Variants in RASGRF2 observed in about 807,000 individuals in gnomAD.
RASGRF2 encodes ras-specific guanine nucleotide-releasing factor 2.
In RASGRF2, 76 loss-of-function variants were observed where a neutral mutation model predicts 151.0. The observed-to-expected ratio is 0.50, with a 90% CI of 0.42 to 0.61. The LOEUF is 0.61. Ranked by LOEUF, RASGRF2 falls within the 20% of genes least tolerant of loss-of-function variation. RASGRF2 has a pLI of 0.00. For missense variants in RASGRF2, 1,148 were observed against 1,564.6 expected (o/e 0.73, Z 4.49); for synonymous variants, 504 against 566.5 (o/e 0.89, Z 1.57).
rs149143429 is a variant in RASGRF2, at chr5:80,973,440, G to A, written c.288+12414G>A. On this transcript the variant is annotated intron_variant, in intron 1 of 26. Transcript: ENST00000265080. The stretch of plus-strand genomic sequence containing the variant: ...GTATTCTGGGTATCTCATTCCAGTA[G>A]CACTAACTTCATGTTTTCCCAATAA... Among the ~76,000 whole-genome samples the A allele has an allele frequency of 1.1e-4, 17 of 152,282 alleles. 1 individual carries two copies. In the East Asian group the frequency reaches 3.3e-3, roughly 29 times the overall value.
intron 3 of RASGRF2, among the ~76,000 whole-genome samples, chr5:81,068,879 C>A (rs1751692136): frequency 6.6e-6 from 1 of 152,166 alleles, no homozygotes; most frequent in South Asian, 2.1e-4. Flanking sequence ...ATGTACCTTT[C>A]CCGCTGTCCT....
In RASGRF2 at chr5:81,026,820, C is replaced by G. The variant is rs1277300412; in HGVS notation, c.289-16057C>G. Among the ~76,000 whole-genome samples, 12 of 152,162 alleles carry G rather than the reference C, an allele frequency of 7.9e-5. No individual in the cohort carries two copies. In the South Asian group the frequency reaches 2.3e-3, roughly 29 times the overall value. On this transcript the variant is annotated intron_variant, in intron 1 of 26. Coordinates refer to ENST00000265080, the MANE Select transcript of RASGRF2 (RefSeq NM_006909.3). The stretch of plus-strand genomic sequence containing the variant: ...ATTAACTTTTTTATACTTTGAAGTC[C>G]TAATACAATGTTTTATCAGTAGTTG...
chr5:80,999,153 A>C (rs547835236), intron 1 of RASGRF2, among the ~76,000 whole-genome samples: 1 of 152,052 alleles, frequency 6.6e-6, no homozygotes, highest in Non-Finnish European at 1.5e-5. Context: ...GAAGCAAGGT[A>C]TATTCAGAGA....
intron 4 of RASGRF2, among the ~76,000 whole-genome samples, chr5:81,070,790 A>G (rs1751751040): frequency 6.6e-6 from 1 of 152,152 alleles, no homozygotes; most frequent in African/African-American, 2.4e-5. Flanking sequence ...GAAGGATGCC[A>G]AAACCAGGCA....
chr5:81,154,336 G>C (rs2112625940), intron 17 of RASGRF2, among the ~76,000 whole-genome samples: 1 of 152,212 alleles, frequency 6.6e-6, no homozygotes, highest in Non-Finnish European at 1.5e-5. Flanking sequence ...CTGTAATCTT[G>C]AACTCCTGGG....
At chr5:81,093,187 C>G (rs1366850449) in intron 10 of RASGRF2, among the ~76,000 whole-genome samples, 1 of 152,116 alleles carries the variant, frequency 6.6e-6, no homozygotes, top group South Asian at 2.1e-4. Context: ...TAAAGAAATA[C>G]AATTAAAATC....
chr5:81,067,861 A>G (rs1356979693), intron 2 of RASGRF2, among the ~76,000 whole-genome samples, 171 bp from the exon 3 acceptor site: 1 of 152,250 alleles, frequency 6.6e-6, no homozygotes. Context: ...TAAATTCTTC[A>G]TCGTCGAAGG....
Position 81,123,677 on chromosome 5 carries a change from G to C in RASGRF2, c.2506G>C (p.Val836Leu). The C allele has an allele frequency of 1.2e-6, 2 of 1,614,048 alleles. No individual in the cohort carries two copies. Among genetic ancestry groups the C allele is most frequent in the Non-Finnish European group, 8.5e-7 (1 of 1,179,976 alleles). The change falls in exon 16 of 27, where the codon GTG becomes CTG. Residue 836 changes from valine to leucine, a missense_variant. Coordinates refer to ENST00000265080, the MANE Select transcript of RASGRF2 (RefSeq NM_006909.3). ...LESAPADRAG[V>L]ESSPAADTTE... ...GTCTGCACCAGCGGACCGAGCAGGA[G>C]TGGAAAGCTCCCCTGCAGCGGACAC...
At chr5:81,114,549 C>G (rs542679759) in intron 15 of RASGRF2, among the ~76,000 whole-genome samples, 2 of 152,228 alleles carry the variant, frequency 1.3e-5, no homozygotes, top group African/African-American at 4.8e-5. Context: ...CTTCAATTCT[C>G]TACTGACTTC....
At chr5:80,981,577 T>G (rs912011048) in intron 1 of RASGRF2, among the ~76,000 whole-genome samples, 6 of 151,950 alleles carry the variant, frequency 3.9e-5, no homozygotes, top group African/African-American at 1.5e-4. Context: ...TAGAGAGTGC[T>G]TTTTTTGAGA....
At chr5:81,057,224 A>C (rs919036644) in intron 2 of RASGRF2, among the ~76,000 whole-genome samples, 123 of 152,252 alleles carry the variant, frequency 8.1e-4, no homozygotes, top group African/African-American at 2.7e-3. Context: ...TCTTCCTAGC[A>C]TTGATGGTCT....
chr5:80,972,970 A>G (rs1747988281), intron 1 of RASGRF2, among the ~76,000 whole-genome samples: 1 of 152,146 alleles, frequency 6.6e-6, no homozygotes, highest in African/African-American at 2.4e-5. Flanking sequence ...AGTTATATGT[A>G]TTGCAAGTAT....
chr5:81,136,695 C>G (rs775043201), intron 17 of RASGRF2, among the ~76,000 whole-genome samples: 1 of 152,078 alleles, frequency 6.6e-6, no homozygotes, highest in Non-Finnish European at 1.5e-5. Flanking sequence ...ATTATTAATG[C>G]AAATATTTCT....
In RASGRF2 at chr5:80,996,512, TCCTCCTCCCCCTCCTCCTCCTCCC is replaced by T. The variant is rs1561544803; in HGVS notation, c.288+35495_288+35518del. Among the ~76,000 whole-genome samples, 33 of 64,882 alleles carry T rather than the reference TCCTCCTCCCCCTCCTCCTCCTCCC, an allele frequency of 5.1e-4. 2 individuals are homozygous for T. Among genetic ancestry groups the T allele is most frequent in the Non-Finnish European group, 7.6e-4 (25 of 33,004 alleles). The allele number at this position is 64,882 out of a possible 152,430, so 42.6% of individuals were successfully genotyped here. A position where few individuals can be genotyped will look rare whatever the true frequency, so the allele number is the denominator to read the frequency against. On this transcript the variant is annotated intron_variant, in intron 1 of 26. Transcript: ENST00000265080. ...TTCTTCTTCTTCTTCTTCCTCCTCC[TCCTCCTCCCCCTCCTCCTCCTCCC>T]CCTCCTCCTCCTCCCCCTCCTCCTC... is the stretch of plus-strand genomic sequence containing the variant.
chr5:81,178,883 C>T (rs957064666), intron 17 of RASGRF2, among the ~76,000 whole-genome samples: 5 of 152,108 alleles, frequency 3.3e-5, no homozygotes, highest in Non-Finnish European at 5.9e-5. Flanking sequence ...GGACTACAGG[C>T]GCCCGCCACC....
chr5:81,083,096 T>G (rs1752130813), intron 7 of RASGRF2, among the ~76,000 whole-genome samples: 1 of 152,200 alleles, frequency 6.6e-6, no homozygotes, highest in Admixed American at 6.5e-5. Flanking sequence ...CACTCTCTCC[T>G]TCTTGTTCCC....
chr5:81,090,219 G>GT (rs1253303863), intron 9 of RASGRF2, among the ~76,000 whole-genome samples: 1 of 152,156 alleles, frequency 6.6e-6, no homozygotes, highest in African/African-American at 2.4e-5. Flanking sequence ...GCTGGAAATG[G>GT]TTCTTCATTC....
intron 13 of RASGRF2, among the ~76,000 whole-genome samples, chr5:81,110,680 A>C (rs1225384666): frequency 3.9e-5 from 6 of 152,236 alleles, no homozygotes; most frequent in Non-Finnish European, 1.5e-5. Context: ...ACTTTCTTAG[A>C]AATTAGAGAT....
At chr5:81,188,823 G>A (rs866696440) in intron 18 of RASGRF2, among the ~76,000 whole-genome samples, 2 of 152,130 alleles carry the variant, frequency 1.3e-5, no homozygotes, top group South Asian at 2.1e-4. Flanking sequence ...AGTCCCCGCC[G>A]TCTGGCTGCA....
Sources: allele counts gnomAD v4.1 joint callset (sites outside exome capture counted in the v4.1 genomes callset), GRCh38; gene constraint gnomAD v4.1.1; transcripts MANE v1.5; gene names NCBI Gene and HGNC (gene_info 2026-07-23, HGNC 2026-07-21).